IMMP2L: variants seen among roughly 807,000 people sequenced by gnomAD.
IMMP2L encodes inner mitochondrial membrane peptidase subunit 2.
A neutral mutation model predicts 19.3 loss-of-function variants in IMMP2L; 18 were observed. The ratio of observed to expected loss-of-function variants is 0.93; its 90% CI spans 0.64 to 1.38. The LOEUF (loss-of-function observed/expected upper bound fraction) is 1.38. Among genes scored for constraint, IMMP2L ranks in the 40% most tolerant of loss-of-function variants. IMMP2L has a pLI of 0.00. For synonymous variants in IMMP2L, 76 were observed against 73.0 expected (o/e 1.04, Z -0.21); for missense variants, 233 against 218.2 (o/e 1.07, Z -0.43).
At chr7:111,464,882 G>A (rs574126955) in intron 3 of IMMP2L, among the ~76,000 whole-genome samples, 9 of 152,166 alleles carry the variant, frequency 5.9e-5, no homozygotes, top group South Asian at 4.1e-4. Flanking sequence ...TCCGCCTCCC[G>A]GGTTCACGCC....
rs545976361 is a variant in IMMP2L at position 110,718,810 on chromosome 7, G to T, written c.409-55089C>A. On this transcript the variant is annotated intron_variant, in intron 5 of 5. Transcript: ENST00000405709. ...TCAGATGCAGATAGAGGTTGGCTCA[G>T]GTGCTTACCTGAAATAGCCAGAAGC... Among the ~76,000 whole-genome samples, 21 of 152,282 alleles carry T rather than the reference G, an allele frequency of 1.4e-4. No individual in the cohort carries two copies. In the South Asian group the frequency reaches 4.4e-3, roughly 32 times the overall value.
At chr7:111,089,051 A>G (rs568670839) in intron 3 of IMMP2L, among the ~76,000 whole-genome samples, 27 of 152,324 alleles carry the variant, frequency 1.8e-4, no homozygotes, top group Non-Finnish European at 3.5e-4. Context: ...TAAAAGGACA[A>G]TTGCAGGAAG....
At chr7:111,060,441 C>T (rs959304079) in intron 3 of IMMP2L, among the ~76,000 whole-genome samples, 2 of 152,166 alleles carry the variant, frequency 1.3e-5, no homozygotes, top group Non-Finnish European at 2.9e-5. Context: ...TCTCCCTTAG[C>T]AATGCCTGCA....
chr7:111,419,830 A>G (rs38748), intron 3 of IMMP2L, among the ~76,000 whole-genome samples: 93,336 of 151,282 alleles, frequency 0.62, 30,841 homozygotes, highest in African/African-American at 0.84. Flanking sequence ...GGTTCACAGA[A>G]CAAAATGATA....
At chr7:111,322,724 A>G (rs998996031) in intron 3 of IMMP2L, among the ~76,000 whole-genome samples, 1 of 151,842 alleles carries the variant, frequency 6.6e-6, no homozygotes, top group African/African-American at 2.4e-5. Flanking sequence ...ATGAATAATA[A>G]TTTACATGAG....
intron 3 of IMMP2L, among the ~76,000 whole-genome samples, chr7:111,393,724 C>T (rs908457683): frequency 1.3e-5 from 2 of 152,142 alleles, no homozygotes; most frequent in South Asian, 4.1e-4. Flanking sequence ...CCCAAGAGTA[C>T]AACTTTGAAA....
chr7:110,995,767 A>G (rs562894490), intron 3 of IMMP2L, among the ~76,000 whole-genome samples: 1 of 152,238 alleles, frequency 6.6e-6, no homozygotes, highest in Admixed American at 6.6e-5. Flanking sequence ...TCTCTCCCCC[A>G]GTTTCTGCTA....
intron 2 of IMMP2L, among the ~76,000 whole-genome samples, chr7:111,498,668 T>A (rs1172396714): frequency 6.6e-6 from 1 of 152,194 alleles, no homozygotes. Context: ...TACAATGGTG[T>A]AGCAATCTAT....
At chr7:111,076,948 G>A (rs1242717884) in intron 3 of IMMP2L, among the ~76,000 whole-genome samples, 1 of 151,968 alleles carries the variant, frequency 6.6e-6, no homozygotes, top group Non-Finnish European at 1.5e-5. Flanking sequence ...TCTGACTCTA[G>A]CTAGACCTCA....
chr7:110,938,557 C>T (rs968775183), intron 4 of IMMP2L, among the ~76,000 whole-genome samples: 2 of 152,082 alleles, frequency 1.3e-5, no homozygotes, highest in African/African-American at 2.4e-5. Context: ...TCTATGTATG[C>T]CACTACAGCT....
At chr7:111,030,259 T>C (rs1164238111) in intron 3 of IMMP2L, among the ~76,000 whole-genome samples, 5 of 152,172 alleles carry the variant, frequency 3.3e-5, no homozygotes, top group Non-Finnish European at 5.9e-5. Context: ...TCCTCCATCA[T>C]CTAAAATTTT....
chr7:110,917,991 A>G (rs1479439370), intron 4 of IMMP2L, among the ~76,000 whole-genome samples: 1 of 152,190 alleles, frequency 6.6e-6, no homozygotes, highest in Non-Finnish European at 1.5e-5. Context: ...TTCTTATAAT[A>G]TTTCCTAAGT....
chr7:111,066,110 C>T (rs1376364879), intron 3 of IMMP2L, among the ~76,000 whole-genome samples: 1 of 151,608 alleles, frequency 6.6e-6, no homozygotes, highest in Non-Finnish European at 1.5e-5. Context: ...TCCTGAATAG[C>T]TGGGACTACA....
At chr7:110,746,236 G>A (rs1365040687) in intron 5 of IMMP2L, among the ~76,000 whole-genome samples, 1 of 152,062 alleles carries the variant, frequency 6.6e-6, no homozygotes, top group African/African-American at 2.4e-5. Flanking sequence ...CCCAATACAG[G>A]AGCACCCAGA....
At chr7:111,092,887 A>T (rs1563233467) in intron 3 of IMMP2L, among the ~76,000 whole-genome samples, 1 of 152,262 alleles carries the variant, frequency 6.6e-6, no homozygotes, top group East Asian at 1.9e-4. Flanking sequence ...AGTTCAACTA[A>T]CCACACAGTT....
chr7:110,688,612 T>C (rs893861607), intron 5 of IMMP2L, among the ~76,000 whole-genome samples: 10 of 152,002 alleles, frequency 6.6e-5, no homozygotes, highest in African/African-American at 2.4e-4. Flanking sequence ...TAGGACAAGT[T>C]TGCAAAAATG....
At chr7:110,809,859 G>A (rs1801903641) in intron 5 of IMMP2L, among the ~76,000 whole-genome samples, 2 of 152,056 alleles carry the variant, frequency 1.3e-5, no homozygotes, top group Non-Finnish European at 2.9e-5. Flanking sequence ...AATAATCTAA[G>A]AATATAAAAT....
chr7:111,515,910 T>A (rs1344117207), intron 2 of IMMP2L, among the ~76,000 whole-genome samples: 1 of 151,824 alleles, frequency 6.6e-6, no homozygotes, highest in African/African-American at 2.4e-5. Context: ...TAAACCAAAA[T>A]AAAATGGAAT....
rs1440384585 is a variant in IMMP2L, at chr7:111,349,430, T to C, written c.239+137808A>G. Among the ~76,000 whole-genome samples, 6 of 152,046 alleles carry C rather than the reference T, an allele frequency of 3.9e-5. 1 individual carries two copies. Among genetic ancestry groups the C allele is most frequent in the South Asian group, 4.1e-4 (2 of 4,830 alleles). On this transcript the variant is annotated intron_variant, in intron 3 of 5. Transcript: ENST00000405709. ...GAAAAAAAAGTGAGACAGCAAAAAA[T>C]AGTTTTAAATTTTTGAGCAAAGTTT...
Sources: allele counts gnomAD v4.1 joint callset (sites outside exome capture counted in the v4.1 genomes callset), GRCh38; gene constraint gnomAD v4.1.1; transcripts MANE v1.5; gene names NCBI Gene and HGNC (gene_info 2026-07-23, HGNC 2026-07-21).